TAB2: variants seen among roughly 807,000 people sequenced by gnomAD.
The protein encoded by TAB2 is TGF-beta-activated kinase 1 and MAP3K7-binding protein 2.
Under a neutral mutation model 65.0 loss-of-function variants are expected in TAB2, and 3 were observed. That is an observed-to-expected ratio of 0.05 (90% CI 0.02 to 0.12). TAB2 has a LOEUF of 0.12. TAB2 is among the 10% of genes least tolerant of loss of function. The pLI is 1.00. For synonymous variants in TAB2, 298 were observed against 285.1 expected (o/e 1.05, Z -0.46); for missense variants, 623 against 840.3 (o/e 0.74, Z 3.20).
intron 1 of TAB2, among the ~76,000 whole-genome samples, chr6:149,284,678 ACACACACACACACAC>A (rs1336323764): frequency 6.7e-6 from 1 of 149,030 alleles, no homozygotes; most frequent in African/African-American, 2.5e-5. Context: ...ACACACACAC[ACACACACACACACAC>A]AAGAATATAA....
chr6:149,258,054 C>G (rs1454341140), intron 1 of TAB2, among the ~76,000 whole-genome samples: 1 of 152,180 alleles, frequency 6.6e-6, no homozygotes, highest in Non-Finnish European at 1.5e-5. Context: ...AGAGGGAGAA[C>G]TGCAGCAGCT....
At chr6:149,335,488 C>G (rs1779907408) in intron 1 of TAB2, among the ~76,000 whole-genome samples, 1 of 152,056 alleles carries the variant, frequency 6.6e-6, no homozygotes, top group South Asian at 2.1e-4. Context: ...CCACCTTAGC[C>G]TCCCAAGTAC....
chr6:149,282,337 C>T (rs1778590694), intron 1 of TAB2, among the ~76,000 whole-genome samples: 1 of 151,708 alleles, frequency 6.6e-6, no homozygotes, highest in Non-Finnish European at 1.5e-5. Context: ...TTTAACAATC[C>T]CTCTCAATAA....
intron 1 of TAB2, among the ~76,000 whole-genome samples, chr6:149,270,933 G>A (rs577997002): frequency 6.6e-6 from 1 of 152,252 alleles, no homozygotes; most frequent in East Asian, 1.9e-4. Context: ...ATCCACTGCT[G>A]TTGCAAAAAA....
chr6:149,320,028 A>G (rs1779383635), intron 1 of TAB2, among the ~76,000 whole-genome samples: 2 of 152,188 alleles, frequency 1.3e-5, no homozygotes, highest in South Asian at 4.1e-4. Flanking sequence ...GCCTTCAGCT[A>G]AGGGTATTGC....
At chr6:149,363,382 A>C (rs1239013946) in intron 1 of TAB2, among the ~76,000 whole-genome samples, 1 of 152,152 alleles carries the variant, frequency 6.6e-6, no homozygotes, top group African/African-American at 2.4e-5. Flanking sequence ...GACCATGGTT[A>C]CCTCTACAGA....
intron 1 of TAB2, among the ~76,000 whole-genome samples, chr6:149,236,052 A>G (rs1183827625): frequency 6.6e-6 from 1 of 152,230 alleles, no homozygotes; most frequent in African/African-American, 2.4e-5. Context: ...TCTAAAGATT[A>G]AAGTGGTCCA....
At chr6:149,234,009 TACTTC>T (rs1249176132) in intron 1 of TAB2, among the ~76,000 whole-genome samples, 6 of 152,234 alleles carry the variant, frequency 3.9e-5, no homozygotes, top group African/African-American at 9.6e-5. Flanking sequence ...GTTCCAACAG[TACTTC>T]ACTTCAGTTT....
At chr6:149,369,097 A>G (rs925179918) in intron 1 of TAB2, among the ~76,000 whole-genome samples, 2 of 152,144 alleles carry the variant, frequency 1.3e-5, no homozygotes, top group African/African-American at 4.8e-5. Flanking sequence ...AATGAAAGGT[A>G]TTTTCAAATA....
intron 1 of TAB2, among the ~76,000 whole-genome samples, chr6:149,284,510 T>C (rs940987271): frequency 3.3e-5 from 5 of 152,178 alleles, no homozygotes; most frequent in African/African-American, 1.2e-4. Flanking sequence ...CACGAGCACA[T>C]ATTACGTGCT....
At chr6:149,396,570 A>T (rs1782179191) in intron 3 of TAB2, among the ~76,000 whole-genome samples, 1 of 152,186 alleles carries the variant, frequency 6.6e-6, no homozygotes, top group Non-Finnish European at 1.5e-5. Flanking sequence ...TTGTTTCTTT[A>T]TAAAAAGTAG....
chr6:149,285,923 C>T (rs1250368743), intron 1 of TAB2, among the ~76,000 whole-genome samples: 3 of 152,080 alleles, frequency 2.0e-5, no homozygotes, highest in African/African-American at 4.8e-5. Context: ...CATCTACTGC[C>T]GCTCTGAGAA....
intron 1 of TAB2, among the ~76,000 whole-genome samples, chr6:149,301,485 TTAA>T (rs567507154): frequency 9.8e-5 from 15 of 152,332 alleles, no homozygotes; most frequent in Admixed American, 3.3e-4. Context: ...CAGCAGGAAG[TTAA>T]TAAGAGAATG....
At chr6:149,361,549 T>A (rs1196475330) in intron 1 of TAB2, among the ~76,000 whole-genome samples, 1 of 152,152 alleles carries the variant, frequency 6.6e-6, no homozygotes, top group Non-Finnish European at 1.5e-5. Context: ...GCTGCAAAGA[T>A]CTCTGAAATG....
In TAB2 at chr6:149,376,888, C is replaced by A. The variant is rs1280951985; in HGVS notation, c.103-1130C>A. On this transcript the variant is annotated intron_variant, in intron 2 of 6. Coordinates refer to ENST00000637181, the MANE Select transcript of TAB2 (RefSeq NM_001292034.3). ...ATTCTTTAAAAACAATCTGAGGTTC[C>A]CCCCCCCCACTCTGGAGTAGATTTT... 6.9e-5 allele frequency among the ~76,000 whole-genome samples: 9 copies of A among 131,246 alleles called. No individual in the cohort carries two copies. In the East Asian group the frequency reaches 1.9e-3, roughly 27 times the overall value. The allele number at this position is 131,246 out of a possible 152,430, so 86.1% of individuals were successfully genotyped here.
chr6:149,226,222 G>C (rs1777271848), intron 1 of TAB2, among the ~76,000 whole-genome samples: 1 of 152,174 alleles, frequency 6.6e-6, no homozygotes, highest in African/African-American at 2.4e-5. Context: ...TTGGAGGAAG[G>C]CCTGCCCATT....
At chr6:149,241,433 T>C (rs1307558380) in intron 1 of TAB2, among the ~76,000 whole-genome samples, 1 of 152,244 alleles carries the variant, frequency 6.6e-6, no homozygotes, top group Non-Finnish European at 1.5e-5. Context: ...AGTGGCATTA[T>C]AAATTGTTGT....
intron 1 of TAB2, among the ~76,000 whole-genome samples, chr6:149,225,157 G>A (rs1777242644): frequency 1.3e-5 from 2 of 152,114 alleles, no homozygotes; most frequent in Non-Finnish European, 2.9e-5. Flanking sequence ...GAGCTTATAC[G>A]CCAAACACCG....
Position 149,403,281 on chromosome 6 carries a change from TATACACACACACAC to T in TAB2, c.1939+4101_1939+4114del, listed in dbSNP as rs1424453677. 6.0e-4 allele frequency among the ~76,000 whole-genome samples: 19 copies of T among 31,870 alleles called. No homozygotes were observed. The East Asian group carries it at 7.3e-3, about 12-fold the overall frequency. 20.9% of individuals were successfully genotyped at this position (31,870 alleles called of 152,430 possible). Reference sequence around the variant, plus strand: ...ATATATATATATATATATATATATATATACACACACACACATATATATATATATATATACACACA... The same window carrying T: ...ATATATATATATATATATATATATATATATATATATATATATATACACACA... On this transcript the variant is annotated intron_variant, in intron 6 of 6. Coordinates refer to ENST00000637181, the MANE Select transcript of TAB2 (RefSeq NM_001292034.3).
Sources: allele counts gnomAD v4.1 joint callset (sites outside exome capture counted in the v4.1 genomes callset), GRCh38; gene constraint gnomAD v4.1.1; transcripts MANE v1.5; gene names NCBI Gene and HGNC (gene_info 2026-07-23, HGNC 2026-07-21).